Variants in MAGI2 observed in about 807,000 individuals in gnomAD.
MAGI2 encodes the protein membrane-associated guanylate kinase, WW and PDZ domain-containing protein 2.
A neutral mutation model predicts 133.3 loss-of-function variants in MAGI2; 35 were observed. The observed-to-expected ratio is 0.26, with a 90% confidence interval of 0.20 to 0.35. MAGI2 has a LOEUF of 0.35. Among genes scored for constraint, MAGI2 ranks in the 10% least tolerant of loss-of-function variants. The probability of loss-of-function intolerance (pLI) is 1.00; values close to 1 mark genes in which losing one functional copy is unlikely to be tolerated. For synonymous variants in MAGI2, 729 were observed against 710.6 expected, an observed-to-expected ratio of 1.03 and a Z score of -0.41; for missense variants, 1,636 against 1,863.4, an observed-to-expected ratio of 0.88 and a Z score of 2.25.
chr7:78,034,521 GTTTAT>G (rs1029234140), intron 21 of MAGI2, among the ~76,000 whole-genome samples: 21 of 152,000 alleles, frequency 1.4e-4, no homozygotes, highest in Admixed American at 1.2e-3. Context: ...AAATATCTCA[GTTTAT>G]TTTATTTTAT....
intron 9 of MAGI2, among the ~76,000 whole-genome samples, chr7:78,336,629 G>A (rs1789795660): frequency 6.6e-6 from 1 of 152,176 alleles, no homozygotes; most frequent in Non-Finnish European, 1.5e-5. Context: ...GGAGGCTGAG[G>A]TGGGAGGATG....
At chr7:78,120,692 G>T (rs1820356179) in intron 20 of MAGI2, among the ~76,000 whole-genome samples, 1 of 152,082 alleles carries the variant, frequency 6.6e-6, no homozygotes, top group African/African-American at 2.4e-5. Context: ...GTGGGACAAA[G>T]AAATACTCAT....
intron 20 of MAGI2, among the ~76,000 whole-genome samples, chr7:78,116,702 G>A (rs183475012): frequency 6.6e-6 from 1 of 152,012 alleles, no homozygotes; most frequent in East Asian, 1.9e-4. Context: ...AACGTGGTGA[G>A]AGCCATCTCT....
intron 1 of MAGI2, among the ~76,000 whole-genome samples, chr7:79,315,344 TTTGTA>T (rs759298103): frequency 3.8e-5 from 5 of 131,842 alleles, no homozygotes; most frequent in Non-Finnish European, 5.1e-5. Flanking sequence ...TTTTTTTTTT[TTTGTA>T]TTTTTAGTAG....
intron 10 of MAGI2, chr7:78,255,483 A>T (rs1007594535): frequency 3.6e-6 from 1 of 281,480 alleles, no homozygotes; most frequent in Non-Finnish European, 6.6e-6. Context: ...GAGTATTGTC[A>T]AGACTGTGCT....
chr7:78,231,576 G>GT (rs1789977524), intron 10 of MAGI2, among the ~76,000 whole-genome samples: 1 of 152,132 alleles, frequency 6.6e-6, no homozygotes, highest in South Asian at 2.1e-4. Flanking sequence ...GTCCCTAAAG[G>GT]TTTTTTTAAA....
At chr7:78,532,982 C>G (rs1389852312) in intron 3 of MAGI2, among the ~76,000 whole-genome samples, 3 of 151,290 alleles carry the variant, frequency 2.0e-5, no homozygotes, top group Non-Finnish European at 2.9e-5. Context: ...TGCTCTGTTG[C>G]CCAGGCTGGA....
At chr7:78,407,191 C>T (rs1163530330) in intron 6 of MAGI2, among the ~76,000 whole-genome samples, 9 of 152,004 alleles carry the variant, frequency 5.9e-5, no homozygotes, top group Non-Finnish European at 1.2e-4. Flanking sequence ...AAGGAAGGAT[C>T]CGAAGTCATG....
intron 6 of MAGI2, among the ~76,000 whole-genome samples, chr7:78,377,316 G>GAA (rs1794532452): frequency 6.6e-6 from 1 of 152,098 alleles, no homozygotes; most frequent in Non-Finnish European, 1.5e-5. Context: ...AGACTGTGCA[G>GAA]AAAGGAGGGT....
At position 78,684,038 on chromosome 7, in the gene MAGI2, G is replaced by A. The variant is rs537158048; in HGVS notation, c.419-56799C>T. Among the ~76,000 whole-genome samples the A allele has an allele frequency of 2.6e-4, 40 of 152,268 alleles. 1 individual carries two copies. Among genetic ancestry groups the A allele is most frequent in the Middle Eastern group, 6.8e-3 (2 of 294 alleles). On this transcript the variant is annotated intron_variant, in intron 2 of 21. Transcript: ENST00000354212. The stretch of plus-strand genomic sequence containing the variant: ...TCAGAGCTCTGAACCCTCTAATCAC[G>A]TAAGGTTGTTTTCATAGCCTTCATG...
chr7:78,714,774 A>T (rs1276801330), intron 2 of MAGI2, among the ~76,000 whole-genome samples: 1 of 152,222 alleles, frequency 6.6e-6, no homozygotes, highest in Non-Finnish European at 1.5e-5. Flanking sequence ...AAAGGCTTTC[A>T]GGTGCCAAAC....
At chr7:78,803,156 T>A (rs1435228774) in intron 2 of MAGI2, among the ~76,000 whole-genome samples, 1 of 152,170 alleles carries the variant, frequency 6.6e-6, no homozygotes, top group Non-Finnish European at 1.5e-5. Flanking sequence ...TCTCCTTTTG[T>A]CCTAAATTAA....
chr7:78,628,679 G>C (rs1808633342), intron 2 of MAGI2, among the ~76,000 whole-genome samples: 1 of 150,948 alleles, frequency 6.6e-6, no homozygotes, highest in African/African-American at 2.4e-5. Flanking sequence ...CATGTTTAAT[G>C]GCTTTCCCTG....
Position 78,702,084 on chromosome 7 carries a change from T to G in MAGI2, c.419-74845A>C, listed in dbSNP as rs539166062. The stretch of plus-strand genomic sequence containing the variant: ...TCTGAACACAAATGGTACAGTTCAG[T>G]GCAATTATGTCTAGAGTTCTCTACT... On this transcript the variant is annotated intron_variant, in intron 2 of 21. Transcript: ENST00000354212. 3.9e-5 allele frequency among the ~76,000 whole-genome samples: 6 copies of G among 152,128 alleles called. No individual in the cohort carries two copies. In the South Asian group the frequency reaches 1.2e-3, roughly 32 times the overall value.
intron 1 of MAGI2, among the ~76,000 whole-genome samples, chr7:79,449,211 T>C (rs564118237): frequency 2.6e-5 from 4 of 152,230 alleles, no homozygotes; most frequent in Admixed American, 1.3e-4. Flanking sequence ...AAGAAGAAAG[T>C]ATGACTCTTA....
rs1204454506 is a variant in MAGI2 at position 78,644,908 on chromosome 7, T to G, written c.419-17669A>C. On this transcript the variant is annotated intron_variant, in intron 2 of 21. Coordinates refer to ENST00000354212, the MANE Select transcript of MAGI2 (RefSeq NM_012301.4). The stretch of plus-strand genomic sequence containing the variant: ...CAGAAAGAAGAGGGAATATACAAAT[T>G]ATCAGTATTACAATGAAAGATGTAA... 2.0e-5 allele frequency among the ~76,000 whole-genome samples: 3 copies of G among 152,234 alleles called. No individual in the cohort carries two copies. In the East Asian group the frequency reaches 5.8e-4, roughly 29 times the overall value.
At chr7:78,340,755 AC>A (rs1790286166) in intron 9 of MAGI2, among the ~76,000 whole-genome samples, 1 of 152,164 alleles carries the variant, frequency 6.6e-6, no homozygotes, top group East Asian at 1.9e-4. Context: ...AAAATTCAAC[AC>A]CCCTTCATAC....
chr7:78,515,115 T>C (rs1033519057), intron 4 of MAGI2, among the ~76,000 whole-genome samples: 1 of 152,154 alleles, frequency 6.6e-6, no homozygotes, highest in Non-Finnish European at 1.5e-5. Flanking sequence ...TACAAGATAA[T>C]AGTGAATTAC....
chr7:78,821,645 A>G (rs1264948066), intron 2 of MAGI2, among the ~76,000 whole-genome samples: 2 of 152,028 alleles, frequency 1.3e-5, no homozygotes, highest in Non-Finnish European at 2.9e-5. Flanking sequence ...TAAATTTATA[A>G]AACTATTTAA....
Sources: allele counts gnomAD v4.1 joint callset (sites outside exome capture counted in the v4.1 genomes callset), GRCh38; gene constraint gnomAD v4.1.1; transcripts MANE v1.5; gene names NCBI Gene and HGNC (gene_info 2026-07-23, HGNC 2026-07-21).